BAP1: variants seen among roughly 807,000 people sequenced by gnomAD.
BAP1 encodes the protein BRCA1 associated deubiquitinase 1.
Under a neutral mutation model 77.2 loss-of-function variants are expected in BAP1, and 16 were observed. That is an observed-to-expected ratio of 0.21 (90% CI 0.14 to 0.31). The LOEUF is 0.31. BAP1 is among the 10% of genes least tolerant of loss of function. BAP1 has a pLI of 1.00. For synonymous variants in BAP1, 362 were observed against 385.2 expected, an observed-to-expected ratio of 0.94 and a Z score of 0.71; for missense variants, 699 against 967.3, an observed-to-expected ratio of 0.72 and a Z score of 3.68.
Position 52,408,539 on chromosome 3 carries a change from T to C in BAP1, c.190A>G (p.Thr64Ala), listed in dbSNP as rs1060503733. The change falls in exon 4 of 17, where the codon ACC (threonine) becomes GCC (alanine). Residue 64 changes from threonine (T) to alanine (A), a missense_variant. Transcript: ENST00000460680. Reference protein sequence around the residue: ...EERRSRRKVSTLVDDTSVIDD... With the variant: ...EERRSRRKVSALVDDTSVIDD... ...ATCACGGACGTATCATCCACCAAGGTAGAGACCTTTCGCCGGGACCGGCGC... is the reference window on the plus strand; with the variant it reads ...ATCACGGACGTATCATCCACCAAGGCAGAGACCTTTCGCCGGGACCGGCGC... The C allele has an allele frequency of 3.1e-6, 5 of 1,611,908 alleles. No individual in the cohort carries two copies. The highest frequency in any genetic ancestry group is 2.2e-5 in the South Asian group (2 of 90,480).
rs763915291 is a variant in BAP1 at position 52,409,625 on chromosome 3, A to G, written c.68-17T>C. Reference sequence around the variant, plus strand: ...CCTTGACACCTGCGATGAGGAAAGGAAAGCAGTAGGGAAGGACAGCCCCTG... The same window carrying G: ...CCTTGACACCTGCGATGAGGAAAGGGAAGCAGTAGGGAAGGACAGCCCCTG... On this transcript the variant is annotated splice_polypyrimidine_tract_variant and intron_variant, in intron 2 of 16. Transcript: ENST00000460680. 6.2e-7 allele frequency: 1 copy of G among 1,614,210 alleles called. No individual in the cohort carries two copies.
intron 5 of BAP1, among the ~76,000 whole-genome samples, chr3:52,407,672 T>C (rs1705210463): frequency 6.6e-6 from 1 of 152,038 alleles, no homozygotes; most frequent in African/African-American, 2.4e-5. Flanking sequence ...TAGTGGACAC[T>C]AGGAAGCAAC....
At position 52,409,656 on chromosome 3, in the gene BAP1, T is replaced by A. The variant is rs767115764; in HGVS notation, c.68-48A>T. ...GTAGGGAAGGACAGCCCCTGATGAG[T>A]GAGGGCGCAGGGGTGGGCCGCCACA... is the stretch of plus-strand genomic sequence containing the variant. On this transcript the variant is annotated intron_variant, in intron 2 of 16. Coordinates refer to ENST00000460680, the MANE Select transcript of BAP1 (RefSeq NM_004656.4). 264 of 1,613,908 alleles carry A rather than the reference T, an allele frequency of 1.6e-4. No homozygotes were observed. Among genetic ancestry groups the A allele is most frequent in the Admixed American group, 3.8e-4 (23 of 60,018 alleles).
chr3:52,403,054 A>G lies in BAP1; in HGVS notation c.1890+84T>C, dbSNP rs1030620153. ...CACCAATCTTCACACCAAAGTTCCA[A>G]TCAAGAACTTGGCACCTGGGCAGGA... is the stretch of plus-strand genomic sequence containing the variant. On this transcript the variant is annotated intron_variant, in intron 14 of 16. Transcript: ENST00000460680. The surrounding 1 kb of genome is among the most constrained non-coding windows in gnomAD (Gnocchi z 4.0). The G allele has an allele frequency of 7.9e-5, 126 of 1,600,474 alleles. No homozygotes were observed. In the South Asian group the frequency reaches 1.3e-3, roughly 16 times the overall value.
Position 52,403,791 on chromosome 3 carries a change from G to A in BAP1, c.1354C>T (p.Leu452Phe), listed in dbSNP as rs1273586744. The A allele has an allele frequency of 1.2e-6, 2 of 1,613,980 alleles. No homozygotes were observed. ...PNTINVLAEK[L>F]KESQKDLSIP... ...GAGAGGTCCTTCTGGGACTCTTTGA[G>A]CTTCTCAGCCAAGACGTTGATGGTG... is the stretch of plus-strand genomic sequence containing the variant. Residue 452 changes from leucine (L) to phenylalanine (F), a missense_variant, in exon 13 of 17, where the codon CTC becomes TTC. Transcript: ENST00000460680. This position sits in a 1 kb window ranked among gnomAD's most constrained non-coding sequence, Gnocchi z 4.0.
chr3:52,402,279 C>T lies in BAP1; in HGVS notation c.*9G>A, dbSNP rs1167175778. On this transcript the variant is annotated 3_prime_UTR_variant, in exon 17 of 17. Coordinates refer to ENST00000460680, the MANE Select transcript of BAP1 (RefSeq NM_004656.4). This position sits in a 1 kb window ranked among gnomAD's most constrained non-coding sequence, Gnocchi z 5.3. ...CAAGAGTGGGCTGCAGAGTCAGGGCCAGCAGTCCTCACTGGCGCTTGGCCT... is the reference window on the plus strand; with the variant it reads ...CAAGAGTGGGCTGCAGAGTCAGGGCTAGCAGTCCTCACTGGCGCTTGGCCT... 6.2e-7 allele frequency: 1 copy of T among 1,600,624 alleles called. No homozygotes were observed. Among genetic ancestry groups the T allele is most frequent in the Non-Finnish European group, 8.5e-7 (1 of 1,175,278 alleles).
rs146661777 is a variant in BAP1 at position 52,402,901 on chromosome 3, C to T, written c.1891-30G>A. 6.2e-6 allele frequency: 10 copies of T among 1,613,724 alleles called. No individual in the cohort carries two copies. Among genetic ancestry groups the T allele is most frequent in the African/African-American group, 2.7e-5 (2 of 74,910 alleles). ...CAAAACCCAGCATTGCACCTCTGATCGGGGCGGGCCAGCAACAAAGCCCCA... is the reference window on the plus strand; with the variant it reads ...CAAAACCCAGCATTGCACCTCTGATTGGGGCGGGCCAGCAACAAAGCCCCA... On this transcript the variant is annotated intron_variant, in intron 14 of 16. Transcript: ENST00000460680. The surrounding 1 kb of genome is among the most constrained non-coding windows in gnomAD (Gnocchi z 5.3).
Position 52,405,214 on chromosome 3 carries a change from G to T in BAP1, c.1012C>A (p.Pro338Thr), listed in dbSNP as rs2153227047. ...PPNKPKLVVK[P>T]PGSSLNGVHP... ...ACCCCATTGAGGCTGCTGCCTGGAGGCTTCACCACTAGCTTGGGTTTGTTG... is the reference window on the plus strand; with the variant it reads ...ACCCCATTGAGGCTGCTGCCTGGAGTCTTCACCACTAGCTTGGGTTTGTTG... The change falls in exon 11 of 17, where the codon CCT (proline) becomes ACT (threonine). Residue 338 changes from proline to threonine, a missense_variant. This residue lies in a region of BAP1 where 475 missense variants were observed against 532.4 expected (regional missense o/e 0.89). Transcript: ENST00000460680. The T allele has an allele frequency of 6.2e-7, 1 of 1,614,128 alleles. No individual in the cohort carries two copies. The highest frequency in any genetic ancestry group is 2.2e-5 in the East Asian group (1 of 44,888).
rs758040951 is a variant in BAP1 at position 52,402,589 on chromosome 3, C to T, written c.2056+13G>A. 12 of 1,613,854 alleles carry T rather than the reference C, an allele frequency of 7.4e-6. No homozygotes were observed. Among genetic ancestry groups the T allele is most frequent in the East Asian group, 2.2e-5 (1 of 44,896 alleles). The stretch of plus-strand genomic sequence containing the variant: ...CAGGGCATTCCAGTTAAGACAGCAG[C>T]GCATCCCCTCACCTTCCTGAGCCAG... On this transcript the variant is annotated intron_variant, in intron 16 of 16. Coordinates refer to ENST00000460680, the MANE Select transcript of BAP1 (RefSeq NM_004656.4). The surrounding 1 kb of genome is among the most constrained non-coding windows in gnomAD (Gnocchi z 5.3).
chr3:52,403,978 C>T lies in BAP1; in HGVS notation c.1251-84G>A, dbSNP rs1300050473. 115 of 1,417,120 alleles carry T rather than the reference C, an allele frequency of 8.1e-5. No individual in the cohort carries two copies. The South Asian group carries it at 1.1e-3, about 14-fold the overall frequency. 87.8% of individuals were successfully genotyped at this position (1,417,120 alleles called of 1,614,324 possible). ...TACCCAGAATGGCTTAAATACATCC[C>T]GACCTCCAGGGGCTGACCCTAAAAC... is the stretch of plus-strand genomic sequence containing the variant. On this transcript the variant is annotated intron_variant, in intron 12 of 16. Coordinates refer to ENST00000460680, the MANE Select transcript of BAP1 (RefSeq NM_004656.4). This position sits in a 1 kb window ranked among gnomAD's most constrained non-coding sequence, Gnocchi z 4.0.
In BAP1 at chr3:52,403,929, G is replaced by A. The variant is rs1335758756; in HGVS notation, c.1251-35C>T. 1.1e-5 allele frequency: 17 copies of A among 1,609,064 alleles called. 2 individuals are homozygous for A. The Admixed American group carries it at 1.8e-4, about 17-fold the overall frequency. On this transcript the variant is annotated intron_variant, in intron 12 of 16. Coordinates refer to ENST00000460680, the MANE Select transcript of BAP1 (RefSeq NM_004656.4). The surrounding 1 kb of genome is among the most constrained non-coding windows in gnomAD (Gnocchi z 4.0). ...CCGAGAAGATGTGAAGCAAGGGAACGGGCCAGGTGACCATACCCAGCAGTA... is the reference window on the plus strand; with the variant it reads ...CCGAGAAGATGTGAAGCAAGGGAACAGGCCAGGTGACCATACCCAGCAGTA...
chr3:52,405,454 A>G, intron 10 of BAP1, 160 bp from the exon 11 acceptor site: 1 of 510,116 alleles, frequency 2.0e-6, no homozygotes, highest in Non-Finnish European at 3.4e-6. Flanking sequence ...CCGCAATGAG[A>G]CAGGGCAAAG....
rs1704947108 is a variant in BAP1, at chr3:52,401,315, A to C, written c.*973T>G. ...CTTGATCCTGCTGTCCCCCACCCTG[A>C]GTGCCTTGCAGAGGCTGAGGAAACT... On this transcript the variant is annotated 3_prime_UTR_variant, in exon 17 of 17. Transcript: ENST00000460680. 1 of 233,266 alleles carries C rather than the reference A, an allele frequency of 4.3e-6. No individual in the cohort carries two copies. The highest frequency in any genetic ancestry group is 5.6e-5 in the Admixed American group (1 of 17,774). The allele number at this position is 233,266 out of a possible 1,614,324, so 14.4% of individuals were successfully genotyped here. A position where few individuals can be genotyped will look rare whatever the true frequency, so the allele number is the denominator to read the frequency against.
rs2153228333 is a variant in BAP1, at chr3:52,408,573, C to A, written c.156G>T (p.Trp52Cys). Residue 52 changes from tryptophan (W) to cysteine (C), a missense_variant, in exon 4 of 17, where the codon TGG (tryptophan) becomes TGT (cysteine). Trp to Cys is a radical substitution (Grantham distance 215). Around this residue, in one of 3 missense-constraint regions of BAP1, gnomAD observed 160 missense variants for 322.8 expected, o/e 0.50. Transcript: ENST00000460680. Reference sequence around the variant, plus strand: ...TTCGCCGGGACCGGCGCTCTTCGATCCATTTGAACAGGAAGATAAATCCAT... The same window carrying A: ...TTCGCCGGGACCGGCGCTCTTCGATACATTTGAACAGGAAGATAAATCCAT... The part of the protein sequence containing the change: ...PVYGFIFLFK[W>C]IEERRSRRKV... 1 of 1,610,554 alleles carries A rather than the reference C, an allele frequency of 6.2e-7. No individual in the cohort carries two copies. The highest frequency in any genetic ancestry group is 1.1e-5 in the South Asian group (1 of 90,118).
rs1553646278 is a variant in BAP1, at chr3:52,409,554, C to G, written c.122G>C (p.Gly41Ala). 3.7e-6 allele frequency: 6 copies of G among 1,614,176 alleles called. No individual in the cohort carries two copies. The highest frequency in any genetic ancestry group is 5.1e-6 in the Non-Finnish European group (6 of 1,180,008). The change falls in exon 3 of 17, where the codon GGC (glycine) becomes GCC (alanine). Residue 41 changes from glycine (G) to alanine (A), a missense_variant and splice_region_variant. Physicochemically the swap from Gly to Ala is moderately conservative, Grantham distance 60. This residue lies in a region of BAP1 where 160 missense variants were observed against 322.8 expected (regional missense o/e 0.50). Coordinates refer to ENST00000460680, the MANE Select transcript of BAP1 (RefSeq NM_004656.4). ...GCAGCCCTGGTGTACAGCCACTCACCCCTGACATTTGCTCTGAAGGTCGTA... is the reference window on the plus strand; with the variant it reads ...GCAGCCCTGGTGTACAGCCACTCACGCCTGACATTTGCTCTGAAGGTCGTA... ...EIYDLQSKCQ[G>A]PVYGFIFLFK... is the part of the protein sequence containing the mutation.
chr3:52,404,314 A>C (rs1705075449), intron 12 of BAP1, 139 bp downstream of exon 12: 4 of 1,441,038 alleles, frequency 2.8e-6, no homozygotes, highest in Non-Finnish European at 3.9e-6. Flanking sequence ...CAGCCCCATC[A>C]TGCCAGCCTC....
chr3:52,404,958 C>T (rs1705101820), intron 11 of BAP1, 152 bp downstream of exon 11: 1 of 1,020,412 alleles, frequency 9.8e-7, no homozygotes, highest in Non-Finnish European at 1.5e-6. Context: ...GGGGCCTTTT[C>T]ATATCAGGCA....
chr3:52,408,696 G>T, intron 3 of BAP1, 90 bp from the exon 4 acceptor site: 2 of 1,451,150 alleles, frequency 1.4e-6, no homozygotes, highest in Non-Finnish European at 1.9e-6. Context: ...TTTGCACTGC[G>T]TCATCACTCA....
At position 52,407,136 on chromosome 3, in the gene BAP1, C is replaced by T. The variant is rs766383172; in HGVS notation, c.580+38G>A. 4.3e-6 allele frequency: 7 copies of T among 1,612,390 alleles called. No homozygotes were observed. In the Admixed American group the frequency reaches 1.2e-4, roughly 27 times the overall value. Reference sequence around the variant, plus strand: ...GAGCCCCAGCTCCCTAGGAGGTAGGCAGAGACACCCAACAGGCCTCCAGCT... The same window carrying T: ...GAGCCCCAGCTCCCTAGGAGGTAGGTAGAGACACCCAACAGGCCTCCAGCT... On this transcript the variant is annotated intron_variant, in intron 7 of 16. Coordinates refer to ENST00000460680, the MANE Select transcript of BAP1 (RefSeq NM_004656.4).
Sources: allele counts gnomAD v4.1 joint callset (sites outside exome capture counted in the v4.1 genomes callset), GRCh38; gene constraint gnomAD v4.1.1; regional missense constraint gnomAD v4.1.1; non-coding constraint Gnocchi (gnomAD v3.1); transcripts MANE v1.5; gene names NCBI Gene and HGNC (gene_info 2026-07-23, HGNC 2026-07-21).